Variants in FAM186A observed in about 807,000 individuals in gnomAD.
The protein encoded by FAM186A is protein FAM186A.
A neutral mutation model predicts 216.8 loss-of-function variants in FAM186A; 163 were observed. The ratio of observed to expected loss-of-function variants is 0.75; its 90% CI spans 0.66 to 0.86. The LOEUF (loss-of-function observed/expected upper bound fraction) is 0.86. Among genes scored for constraint, FAM186A ranks in the 40% least tolerant of loss-of-function variants. The pLI is 0.00. For synonymous variants in FAM186A, 805 were observed against 1,025.3 expected, an observed-to-expected ratio of 0.79 and a Z score of 4.10; for missense variants, 2,184 against 2,746.2, an observed-to-expected ratio of 0.80 and a Z score of 4.58.
chr12:50,339,697 T>C (rs1942743238), intron 4 of FAM186A, among the ~76,000 whole-genome samples: 1 of 151,986 alleles, frequency 6.6e-6, no homozygotes, highest in African/African-American at 2.4e-5. Flanking sequence ...TCTTACTACA[T>C]TTTGCTTTTT....
In FAM186A at chr12:50,352,041, C is replaced by T. The variant is rs1317425266; in HGVS notation, c.4791G>A (p.Gln1597=). The change falls in exon 4 of 8, where the codon CAG becomes CAA. Residue 1597 remains glutamine, a synonymous_variant. Coordinates refer to ENST00000327337, the MANE Select transcript of FAM186A (RefSeq NM_001145475.3). ...LGIPLTPQQA[Q]ELGIPLTPQQ... Reference sequence around the variant, plus strand: ...GAGGGGTGAGAGGGATCCCCAGTTCCTGCGCCTGCTGAGGGGTGAGAGGGA... The same window carrying T: ...GAGGGGTGAGAGGGATCCCCAGTTCTTGCGCCTGCTGAGGGGTGAGAGGGA... 4 of 1,515,564 alleles carry T rather than the reference C, an allele frequency of 2.6e-6. No individual in the cohort carries two copies. Among genetic ancestry groups the T allele is most frequent in the Non-Finnish European group, 3.6e-6 (4 of 1,125,436 alleles). 93.9% of individuals were successfully genotyped at this position (1,515,564 alleles called of 1,614,324 possible).
intron 1 of FAM186A, among the ~76,000 whole-genome samples, chr12:50,373,268 G>C (rs909313527): frequency 2.6e-5 from 4 of 151,950 alleles, no homozygotes; most frequent in African/African-American, 7.3e-5. Flanking sequence ...GTGGTGGCAC[G>C]CACCTGTAGT....
intron 1 of FAM186A, among the ~76,000 whole-genome samples, chr12:50,369,388 G>A (rs1943120129): frequency 6.6e-6 from 1 of 151,586 alleles, no homozygotes; most frequent in Admixed American, 6.6e-5. Context: ...CTACTCGGGA[G>A]GCTGAGGCAG....
intron 4 of FAM186A, among the ~76,000 whole-genome samples, chr12:50,347,678 CAAA>C (rs71083539): frequency 1.4e-5 from 2 of 145,264 alleles, no homozygotes; most frequent in Admixed American, 6.9e-5. Flanking sequence ...GACTCCATCT[CAAA>C]AAAAAAAAAA....
intron 2 of FAM186A, among the ~76,000 whole-genome samples, chr12:50,362,698 C>T (rs985192613): frequency 3.6e-5 from 5 of 139,286 alleles, no homozygotes; most frequent in African/African-American, 1.4e-4. Context: ...GAGCTGAGAT[C>T]GCGCCACTGC....
intron 3 of FAM186A, among the ~76,000 whole-genome samples, chr12:50,359,259 G>A (rs1001406761): frequency 2.6e-5 from 4 of 151,882 alleles, no homozygotes; most frequent in Non-Finnish European, 5.9e-5. Flanking sequence ...TTAGCAGGGC[G>A]TGGTGACACG....
At chr12:50,363,508 A>G in intron 1 of FAM186A, 144 bp from the exon 2 acceptor site, 1 of 734,852 alleles carries the variant, frequency 1.4e-6, no homozygotes, top group Non-Finnish European at 2.1e-6. Context: ...GTGAGTCTCA[A>G]ATTTTCCCTC....
chr12:50,381,516 C>T (rs1943253330), intron 1 of FAM186A, among the ~76,000 whole-genome samples: 1 of 151,788 alleles, frequency 6.6e-6, no homozygotes, highest in African/African-American at 2.4e-5. Context: ...TGCACTCCAG[C>T]CTGGACAACA....
rs1230979530 is a variant in FAM186A, at chr12:50,354,763, G to A, written c.2069C>T (p.Ala690Val). The change falls in exon 4 of 8, where the codon GCT becomes GTT. Residue 690 changes from alanine (A) to valine (V), a missense_variant. Physicochemically the swap from Ala to Val is moderately conservative, Grantham distance 64. This residue lies in a region of FAM186A where 1,132 missense variants were observed against 1,263.4 expected (regional missense o/e 0.90). Coordinates refer to ENST00000327337, the MANE Select transcript of FAM186A (RefSeq NM_001145475.3). ...LKQKIDNIGK[A>V]FDKKTVPKEE... ...CTTCGGAACAGTCTTTTTGTCAAAA[G>A]CCTTTCCTATGTTATCAATTTTCTG... 3 of 1,537,400 alleles carry A rather than the reference G, an allele frequency of 2.0e-6. No homozygotes were observed. Among genetic ancestry groups the A allele is most frequent in the African/African-American group, 2.8e-5 (2 of 72,142 alleles).
chr12:50,355,966 A>G lies in FAM186A; in HGVS notation c.866T>C (p.Val289Ala). The G allele has an allele frequency of 1.3e-6, 2 of 1,551,612 alleles. No individual in the cohort carries two copies. The highest frequency in any genetic ancestry group is 1.7e-6 in the Non-Finnish European group (2 of 1,146,992). Residue 289 changes from valine to alanine, a missense_variant, in exon 4 of 8, where the codon GTG (valine) becomes GCG (alanine). This residue lies in a region of FAM186A where 1,132 missense variants were observed against 1,263.4 expected (regional missense o/e 0.90). Transcript: ENST00000327337. ...TGCTTCACTTGTCTCATGTGCATAC[A>G]CAGTGGAACTTTGGAAGTTAACACA... ...LKCVNFQSST[V>A]YAHETSEAEK...
Position 50,347,617 on chromosome 12 carries a change from C to T in FAM186A, c.6503+2712G>A, listed in dbSNP as rs548269359. On this transcript the variant is annotated intron_variant, in intron 4 of 7. Coordinates refer to ENST00000327337, the MANE Select transcript of FAM186A (RefSeq NM_001145475.3). ...ATGGTGGCACACACCTCCAGCTACTCTAGAGGCTGAGGGCAGGAGAATCGC... is the reference window on the plus strand; with the variant it reads ...ATGGTGGCACACACCTCCAGCTACTTTAGAGGCTGAGGGCAGGAGAATCGC... Among the ~76,000 whole-genome samples, 3 of 151,334 alleles carry T rather than the reference C, an allele frequency of 2.0e-5. No homozygotes were observed. The South Asian group carries it at 6.3e-4, about 32-fold the overall frequency.
rs1592593205 is a variant in FAM186A at position 50,327,363 on chromosome 12, G to A, written c.*20C>T. 6.5e-7 allele frequency: 1 copy of A among 1,537,842 alleles called. No individual in the cohort carries two copies. The highest frequency in any genetic ancestry group is 8.8e-7 in the Non-Finnish European group (1 of 1,135,196). On this transcript the variant is annotated 3_prime_UTR_variant, in exon 8 of 8. Coordinates refer to ENST00000327337, the MANE Select transcript of FAM186A (RefSeq NM_001145475.3). ...AGATACTGAAATGTACTTTCAACAT[G>A]CTTGTATTTAATTTTACAGTCATTT...
intron 3 of FAM186A, among the ~76,000 whole-genome samples, chr12:50,359,759 A>G (rs972400091): frequency 2.6e-5 from 4 of 152,214 alleles, no homozygotes; most frequent in African/African-American, 9.7e-5. Context: ...CAAAAACATT[A>G]TGCTAGTTGA....
At position 50,354,018 on chromosome 12, in the gene FAM186A, G is replaced by A. The variant is rs1056271850; in HGVS notation, c.2814C>T (p.Leu938=). ...TCATCTGTCCATTCTCCTTTTCCAA[G>A]AGCAACCCTTGTGTTTTCATTTTTT... The part of the protein sequence containing the change: ...GTQKMKTQGL[L]LEKENGQMRQ... Residue 938 remains leucine (L), a synonymous_variant, in exon 4 of 8, where the codon CTC becomes CTT. Coordinates refer to ENST00000327337, the MANE Select transcript of FAM186A (RefSeq NM_001145475.3). The A allele has an allele frequency of 3.2e-6, 5 of 1,551,536 alleles. No individual in the cohort carries two copies. The African/African-American group carries it at 6.9e-5, about 21-fold the overall frequency.
At chr12:50,389,125 G>A (rs748167340) in intron 1 of FAM186A, among the ~76,000 whole-genome samples, 6 of 152,084 alleles carry the variant, frequency 3.9e-5, no homozygotes, top group Admixed American at 1.3e-4. Flanking sequence ...CAGCATTTTG[G>A]GAGGCTGAGA....
intron 1 of FAM186A, among the ~76,000 whole-genome samples, chr12:50,381,555 G>GATTA (rs1046496513): frequency 3.4e-4 from 51 of 151,716 alleles, no homozygotes; most frequent in African/African-American, 1.2e-3. Flanking sequence ...AAAAAAAATT[G>GATTA]ATTAATTAAT....
At chr12:50,329,722 G>T (rs1227552217) in intron 7 of FAM186A, among the ~76,000 whole-genome samples, 1 of 151,800 alleles carries the variant, frequency 6.6e-6, no homozygotes, top group East Asian at 1.9e-4. Flanking sequence ...CTCAGCCTCT[G>T]AGTAGCTGGG....
chr12:50,372,411 GTGAAACCCCC>G (rs1943149866), intron 1 of FAM186A, among the ~76,000 whole-genome samples: 1 of 10,642 alleles, frequency 9.4e-5, no homozygotes, highest in Non-Finnish European at 0.014. Context: ...GGGCAACATA[GTGAAACCCCC>G]GTCTCTACTA....
At chr12:50,359,155 T>G (rs925518575) in intron 3 of FAM186A, among the ~76,000 whole-genome samples, 1 of 151,648 alleles carries the variant, frequency 6.6e-6, no homozygotes. Context: ...TCCCAGCACT[T>G]TGGGAGGCAG....
Sources: allele counts gnomAD v4.1 joint callset (sites outside exome capture counted in the v4.1 genomes callset), GRCh38; gene constraint gnomAD v4.1.1; regional missense constraint gnomAD v4.1.1; transcripts MANE v1.5; gene names NCBI Gene and HGNC (gene_info 2026-07-23, HGNC 2026-07-21).